Variants in LRCH1 observed in about 807,000 individuals in gnomAD.
LRCH1 encodes the protein leucine-rich repeat and calponin homology domain-containing protein 1.
Under a neutral mutation model 94.9 loss-of-function variants are expected in LRCH1, and 23 were observed. That is an observed-to-expected ratio of 0.24 (90% confidence interval 0.17 to 0.34). The LOEUF (loss-of-function observed/expected upper bound fraction) is 0.34, where lower values mean the gene tolerates loss of function less well. LRCH1 is among the 10% of genes least tolerant of loss of function. The probability of loss-of-function intolerance (pLI) is 1.00; values close to 1 mark genes in which losing one functional copy is unlikely to be tolerated. For synonymous variants in LRCH1, 364 were observed against 354.9 expected (o/e 1.03, Z -0.29); for missense variants, 790 against 945.9 (o/e 0.84, Z 2.16).
intron 17 of LRCH1, among the ~76,000 whole-genome samples, chr13:46,723,713 T>G (rs1872689638): frequency 6.6e-6 from 1 of 151,818 alleles, no homozygotes; most frequent in Non-Finnish European, 1.5e-5. Flanking sequence ...GGTGGGAGGA[T>G]CAGTTGAGCC....
intron 1 of LRCH1, among the ~76,000 whole-genome samples, chr13:46,634,567 A>C (rs2051059868): frequency 6.6e-6 from 1 of 152,212 alleles, no homozygotes. Context: ...CAGACTTCCA[A>C]ATACTTATCC....
chr13:46,733,281 C>A (rs1282748613), intron 18 of LRCH1, among the ~76,000 whole-genome samples: 1 of 152,226 alleles, frequency 6.6e-6, no homozygotes, highest in Non-Finnish European at 1.5e-5. Flanking sequence ...CAGAGGCCAT[C>A]TATAACCAAG....
intron 3 of LRCH1, among the ~76,000 whole-genome samples, chr13:46,680,422 G>A (rs2138140261): frequency 6.6e-6 from 1 of 152,318 alleles, no homozygotes; most frequent in Admixed American, 6.5e-5. Flanking sequence ...ACAGTGACAT[G>A]CTATCTAAAG....
chr13:46,736,118 C>CTG (rs3138585), intron 19 of LRCH1, among the ~76,000 whole-genome samples: 7,735 of 142,178 alleles, frequency 0.054, 272 homozygotes, highest in East Asian at 0.13. Context: ...CAAATTTGCT[C>CTG]TGTGTGTGTG....
At chr13:46,576,108 A>G (rs1326676964) in intron 1 of LRCH1, among the ~76,000 whole-genome samples, 1 of 152,200 alleles carries the variant, frequency 6.6e-6, no homozygotes, top group Non-Finnish European at 1.5e-5. Flanking sequence ...AGAAAGTGGC[A>G]GGCTTGAGGC....
intron 9 of LRCH1, among the ~76,000 whole-genome samples, chr13:46,698,103 T>C (rs1212815293): frequency 6.6e-6 from 1 of 152,184 alleles, no homozygotes; most frequent in Non-Finnish European, 1.5e-5. Flanking sequence ...AAAAGTATAA[T>C]CACTACAGAA....
intron 18 of LRCH1, 53 bp downstream of exon 18, chr13:46,729,037 A>G (rs528877637): frequency 1.3e-6 from 2 of 1,546,040 alleles, no homozygotes; most frequent in South Asian, 1.3e-5. Flanking sequence ...TTTAGGGGGC[A>G]CTGTTGTTGG....
intron 1 of LRCH1, among the ~76,000 whole-genome samples, chr13:46,603,040 A>AATGGCTGTATCTTTATAATAAG (rs2050647884): frequency 1.3e-5 from 2 of 152,082 alleles, no homozygotes; most frequent in Non-Finnish European, 2.9e-5. Flanking sequence ...TTGTCAGATA[A>AATGGCTGTATCTTTATAATAAG]ATGGCTGTAT....
intron 1 of LRCH1, among the ~76,000 whole-genome samples, chr13:46,632,202 A>G (rs1306747103): frequency 9.4e-6 from 1 of 106,020 alleles, no homozygotes; most frequent in African/African-American, 3.0e-5. Context: ...GACTCTGTCT[A>G]AAAAAAAAAA....
intron 19 of LRCH1, among the ~76,000 whole-genome samples, chr13:46,734,752 G>A (rs1210587789): frequency 6.6e-6 from 1 of 152,210 alleles, no homozygotes; most frequent in African/African-American, 2.4e-5. Context: ...CATATAAATT[G>A]AGGAGTTTAT....
chr13:46,593,373 T>C (rs2050523788), intron 1 of LRCH1, among the ~76,000 whole-genome samples: 1 of 149,756 alleles, frequency 6.7e-6, no homozygotes, highest in Admixed American at 6.8e-5. Flanking sequence ...AACTGGGACA[T>C]GCCATTCTTC....
In LRCH1 at chr13:46,744,174, T is replaced by C; in HGVS notation, c.*2326T>C. On this transcript the variant is annotated 3_prime_UTR_variant, in exon 20 of 20. Transcript: ENST00000389797. ...CATATGCTAACTGGATGCCTGCGGA[T>C]GCCTGCCCTTGCAGCTTGACTGGGG... The C allele has an allele frequency of 1.0e-6, 1 of 985,442 alleles. No homozygotes were observed. The highest frequency in any genetic ancestry group is 1.2e-6 in the Non-Finnish European group (1 of 829,932). 61.0% of individuals were successfully genotyped at this position (985,442 alleles called of 1,614,324 possible).
Position 46,558,572 on chromosome 13 carries a change from C to CAAAAAAAAAAAAAAAAAAAAAA in LRCH1, c.307+4874_307+4895dup. Among the ~76,000 whole-genome samples the CAAAAAAAAAAAAAAAAAAAAAA allele has an allele frequency of 2.3e-3, 79 of 34,396 alleles. 8 individuals are homozygous for CAAAAAAAAAAAAAAAAAAAAAA. Among genetic ancestry groups the CAAAAAAAAAAAAAAAAAAAAAA allele is most frequent in the Non-Finnish European group, 3.5e-3 (60 of 17,006 alleles). The allele number at this position is 34,396 out of a possible 152,430, so 22.6% of individuals were successfully genotyped here. ...CCAAGACGGTGAAACCCTGTGTCTA[C>CAAAAAAAAAAAAAAAAAAAAAA]AAAAAAAAAAAAAAAAAAAAAAAAA... On this transcript the variant is annotated intron_variant, in intron 1 of 19. Coordinates refer to ENST00000389797, the MANE Select transcript of LRCH1 (RefSeq NM_001164211.2).
chr13:46,693,951 T>A (rs1756908991), intron 8 of LRCH1, among the ~76,000 whole-genome samples: 2 of 152,210 alleles, frequency 1.3e-5, no homozygotes, highest in Admixed American at 1.3e-4. Context: ...CAAACCTTAG[T>A]GTTGGCTTTC....
At chr13:46,640,279 G>C (rs1172629532) in intron 1 of LRCH1, among the ~76,000 whole-genome samples, 1 of 152,162 alleles carries the variant, frequency 6.6e-6, no homozygotes, top group Non-Finnish European at 1.5e-5. Context: ...TCTGTGGCAG[G>C]CACTGCTCTA....
chr13:46,619,092 CTTCCTTCCTTCCTTCCTTCCT>C (rs1327019091), intron 1 of LRCH1, among the ~76,000 whole-genome samples: 116 of 60,946 alleles, frequency 1.9e-3, no homozygotes, highest in African/African-American at 8.2e-3. Context: ...TCCTTCCTTC[CTTCCTTCCTTCCTTCCTTCCT>C]TTTTTTTGGT....
At chr13:46,622,907 A>T (rs1438641398) in intron 1 of LRCH1, among the ~76,000 whole-genome samples, 1 of 152,244 alleles carries the variant, frequency 6.6e-6, no homozygotes, top group Non-Finnish European at 1.5e-5. Context: ...TCAGTAGAGC[A>T]GCTTTGCTGT....
intron 1 of LRCH1, among the ~76,000 whole-genome samples, chr13:46,584,472 A>G (rs1260243402): frequency 6.6e-6 from 1 of 152,178 alleles, no homozygotes; most frequent in African/African-American, 2.4e-5. Flanking sequence ...TAAGACACCA[A>G]AGTTAACTAT....
intron 1 of LRCH1, 83 bp downstream of exon 1, chr13:46,553,786 G>A: frequency 1.3e-6 from 2 of 1,560,602 alleles, no homozygotes; most frequent in Non-Finnish European, 1.7e-6. Flanking sequence ...TGGACAGTCG[G>A]AGATCTTGTC....
Sources: gnomAD v4.1 joint callset for allele counts (sites outside exome capture counted in the v4.1 genomes callset) on GRCh38, gnomAD v4.1.1 for gene constraint, MANE v1.5 for transcripts, NCBI Gene and HGNC (gene_info 2026-07-23, HGNC 2026-07-21) for gene names.